BRINP2: variants seen among roughly 807,000 people sequenced by gnomAD.
BRINP2 encodes BMP/retinoic acid inducible neural specific 2.
Under a neutral mutation model 69.2 loss-of-function variants are expected in BRINP2, and 21 were observed. The observed-to-expected ratio is 0.30, with a 90% CI of 0.22 to 0.44. The LOEUF (loss-of-function observed/expected upper bound fraction) is 0.44. Among genes scored for constraint, BRINP2 ranks in the 20% least tolerant of loss-of-function variants. BRINP2 has a pLI of 1.00. For synonymous variants in BRINP2, 380 were observed against 394.1 expected, an observed-to-expected ratio of 0.96 and a Z score of 0.42; for missense variants, 877 against 986.0, an observed-to-expected ratio of 0.89 and a Z score of 1.48.
chr1:177,190,888 G>A (rs1265261637), intron 1 of BRINP2, among the ~76,000 whole-genome samples: 2 of 152,152 alleles, frequency 1.3e-5, no homozygotes, highest in African/African-American at 4.8e-5. Flanking sequence ...TAGGGTTATG[G>A]TGAGGACTAA....
intron 1 of BRINP2, among the ~76,000 whole-genome samples, chr1:177,177,139 G>T (rs1301866487): frequency 6.6e-6 from 1 of 152,052 alleles, no homozygotes; most frequent in East Asian, 1.9e-4. Context: ...TAATTAGCTG[G>T]GCGTGGTGGT....
At chr1:177,223,820 G>T (rs531267433) in intron 1 of BRINP2, among the ~76,000 whole-genome samples, 1 of 152,080 alleles carries the variant, frequency 6.6e-6, no homozygotes, top group South Asian at 2.1e-4. Context: ...TTGCTTGCCA[G>T]TTCCATGCCA....
chr1:177,182,105 G>T (rs1053005664), intron 1 of BRINP2, among the ~76,000 whole-genome samples: 9 of 149,960 alleles, frequency 6.0e-5, no homozygotes, highest in African/African-American at 2.2e-4. Flanking sequence ...TCCTGGTGCC[G>T]TCCCTCCCTC....
chr1:177,177,076 T>C (rs1052641195), intron 1 of BRINP2, among the ~76,000 whole-genome samples: 1 of 152,062 alleles, frequency 6.6e-6, no homozygotes, highest in Non-Finnish European at 1.5e-5. Flanking sequence ...ATGTTGATAG[T>C]GTGGTGGGGA....
In BRINP2 at chr1:177,278,744, G is replaced by A. The variant is rs770429997; in HGVS notation, c.1194G>A (p.Lys398=). 3 of 1,614,182 alleles carry A rather than the reference G, an allele frequency of 1.9e-6. No individual in the cohort carries two copies. ...TACGCCGGCTCTTCAACCTCTGCAA[G>A]CGCTGCCATCGCCAGCCTCGCTTCC... ...RILRRLFNLC[K]RCHRQPRFRL... The change falls in exon 7 of 8, where the codon AAG becomes AAA. Residue 398 remains lysine, a synonymous_variant. Transcript: ENST00000361539.
chr1:177,209,767 GA>G (rs957152653), intron 1 of BRINP2, among the ~76,000 whole-genome samples: 3 of 151,184 alleles, frequency 2.0e-5, no homozygotes, highest in South Asian at 2.1e-4. Flanking sequence ...CAAAAAAAAA[GA>G]AAAAAAATGG....
chr1:177,222,590 G>A (rs1649569618), intron 1 of BRINP2, among the ~76,000 whole-genome samples: 1 of 152,124 alleles, frequency 6.6e-6, no homozygotes, highest in Non-Finnish European at 1.5e-5. Context: ...GGGATTACAG[G>A]CGTGAGCCAC....
intron 2 of BRINP2, among the ~76,000 whole-genome samples, chr1:177,242,976 T>C (rs1386016330): frequency 6.6e-6 from 1 of 152,194 alleles, no homozygotes; most frequent in African/African-American, 2.4e-5. Flanking sequence ...TTATTTTGCA[T>C]CTCTGAGCCT....
chr1:177,186,906 A>C (rs1648444682), intron 1 of BRINP2, among the ~76,000 whole-genome samples: 1 of 152,208 alleles, frequency 6.6e-6, no homozygotes, highest in South Asian at 2.1e-4. Context: ...GAACTAAACA[A>C]TATGCGCCTT....
At chr1:177,267,840 C>T (rs1651176418) in intron 4 of BRINP2, among the ~76,000 whole-genome samples, 2 of 152,158 alleles carry the variant, frequency 1.3e-5, no homozygotes, top group Admixed American at 6.5e-5. Context: ...CTGCCCATCT[C>T]CTCAAAAGAG....
chr1:177,268,854 TACTC>T (rs1241051930), intron 4 of BRINP2, among the ~76,000 whole-genome samples: 1 of 152,128 alleles, frequency 6.6e-6, no homozygotes, highest in Non-Finnish European at 1.5e-5. Flanking sequence ...GAAACAAACT[TACTC>T]AACTAAGAAG....
chr1:177,247,781 C>G (rs1015947003), intron 2 of BRINP2, among the ~76,000 whole-genome samples: 1 of 152,232 alleles, frequency 6.6e-6, no homozygotes, highest in Non-Finnish European at 1.5e-5. Context: ...TATCTCAATT[C>G]TGAGAAACGC....
At chr1:177,230,777 T>C (rs1649842709) in intron 2 of BRINP2, among the ~76,000 whole-genome samples, 1 of 152,202 alleles carries the variant, frequency 6.6e-6, no homozygotes, top group Non-Finnish European at 1.5e-5. Flanking sequence ...CACATATTCC[T>C]GGCTGCTGGA....
Position 177,242,427 on chromosome 1 carries a change from G to A in BRINP2, c.269+12282G>A, listed in dbSNP as rs572015632. ...CCTGTTTTTCTTCTGTTCCAGTCCC[G>A]ATGAACACCTCCAGATTTGCCCACA... is the stretch of plus-strand genomic sequence containing the variant. On this transcript the variant is annotated intron_variant, in intron 2 of 7. Coordinates refer to ENST00000361539, the MANE Select transcript of BRINP2 (RefSeq NM_021165.4). Among the ~76,000 whole-genome samples the A allele has an allele frequency of 1.2e-4, 19 of 152,084 alleles. No individual in the cohort carries two copies. The East Asian group carries it at 1.5e-3, about 12-fold the overall frequency.
At chr1:177,178,225 C>G (rs1648145707) in intron 1 of BRINP2, among the ~76,000 whole-genome samples, 1 of 152,222 alleles carries the variant, frequency 6.6e-6, no homozygotes, top group Non-Finnish European at 1.5e-5. Flanking sequence ...CCAGTCCAGT[C>G]TCTTCCCTGC....
chr1:177,212,877 T>C (rs924656330), intron 1 of BRINP2, among the ~76,000 whole-genome samples: 2 of 152,248 alleles, frequency 1.3e-5, no homozygotes, highest in Non-Finnish European at 2.9e-5. Context: ...AATAGCACTT[T>C]GGAACCAAGA....
intron 1 of BRINP2, among the ~76,000 whole-genome samples, chr1:177,171,959 A>G (rs1647946808): frequency 1.3e-5 from 2 of 152,112 alleles, no homozygotes. Context: ...CTGGTGTTGC[A>G]TGGCTGTCAG....
chr1:177,176,465 T>G (rs1388967194), intron 1 of BRINP2, among the ~76,000 whole-genome samples: 1 of 151,332 alleles, frequency 6.6e-6, no homozygotes, highest in Non-Finnish European at 1.5e-5. Context: ...TTCTTTTTTA[T>G]TTTTTAATGT....
intron 1 of BRINP2, among the ~76,000 whole-genome samples, chr1:177,226,831 T>G (rs1649705785): frequency 6.6e-6 from 1 of 152,174 alleles, no homozygotes; most frequent in African/African-American, 2.4e-5. Context: ...GCTCTCAGAT[T>G]CCAGAGCCCA....
Sources: allele counts gnomAD v4.1 joint callset (sites outside exome capture counted in the v4.1 genomes callset), GRCh38; gene constraint gnomAD v4.1.1; transcripts MANE v1.5; gene names NCBI Gene and HGNC (gene_info 2026-07-23, HGNC 2026-07-21).